LMX1B: variants seen among roughly 807,000 people sequenced by gnomAD.
The protein encoded by LMX1B is LIM homeobox transcription factor 1-beta.
In LMX1B, 12 loss-of-function variants were observed where a neutral mutation model predicts 51.4. That is an observed-to-expected ratio of 0.23 (90% CI 0.15 to 0.38). LMX1B has a LOEUF of 0.38. LMX1B is among the 10% of genes least tolerant of loss of function. LMX1B has a pLI of 1.00. For synonymous variants in LMX1B, 237 were observed against 235.4 expected (o/e 1.01, Z -0.06); for missense variants, 445 against 571.1 (o/e 0.78, Z 2.25).
chr9:126,638,233 C>T (rs1054040007), intron 2 of LMX1B, among the ~76,000 whole-genome samples: 25 of 152,164 alleles, frequency 1.6e-4, no homozygotes, highest in African/African-American at 6.0e-4. Flanking sequence ...GGTGGGGGTG[C>T]CCTGCTGCTG....
chr9:126,693,861 G>T, intron 6 of LMX1B, 49 bp downstream of exon 6: 1 of 898,806 alleles, frequency 1.1e-6, no homozygotes, highest in Non-Finnish European at 1.8e-6. Context: ...CTGGGGCCGG[G>T]GCCAGGGGTG....
At chr9:126,693,675 C>T (rs2030225148) in intron 5 of LMX1B, 71 bp from the exon 6 acceptor site, 2 of 1,598,824 alleles carry the variant, frequency 1.3e-6, no homozygotes, top group Non-Finnish European at 1.7e-6. Flanking sequence ...AGACTACGGT[C>T]CAGGGGGCGT....
rs972122753 is a variant in LMX1B, at chr9:126,618,991, G to A, written c.326+3422G>A. On this transcript the variant is annotated intron_variant, in intron 2 of 7. Transcript: ENST00000373474. This position sits in a 1 kb window ranked among gnomAD's most constrained non-coding sequence, Gnocchi z 4.5. ...GGGCCGCGGCGTCCTTCCGCCCGCAGGGCCTGCCCGGGCGGCCGAGCCTCT... is the reference window on the plus strand; with the variant it reads ...GGGCCGCGGCGTCCTTCCGCCCGCAAGGCCTGCCCGGGCGGCCGAGCCTCT... Among the ~76,000 whole-genome samples, 3 of 152,044 alleles carry A rather than the reference G, an allele frequency of 2.0e-5. No homozygotes were observed. The highest frequency in any genetic ancestry group is 7.2e-5 in the African/African-American group (3 of 41,410).
chr9:126,660,784 C>T (rs1836229240), intron 2 of LMX1B, among the ~76,000 whole-genome samples: 3 of 152,200 alleles, frequency 2.0e-5, no homozygotes, highest in Non-Finnish European at 4.4e-5. Flanking sequence ...ATTCCCTGAG[C>T]CCGTAGTGTG....
At chr9:126,669,612 C>T (rs1255603048) in intron 2 of LMX1B, among the ~76,000 whole-genome samples, 1 of 152,136 alleles carries the variant, frequency 6.6e-6, no homozygotes, top group Non-Finnish European at 1.5e-5. Flanking sequence ...GGCTTTTGTG[C>T]TCCTCTGGGT....
At chr9:126,639,893 A>G (rs1018321396) in intron 2 of LMX1B, among the ~76,000 whole-genome samples, 2 of 152,250 alleles carry the variant, frequency 1.3e-5, no homozygotes, top group African/African-American at 4.8e-5. Flanking sequence ...GCTGCCACTA[A>G]ATGCAATTAT....
At chr9:126,648,986 G>A (rs150495948) in intron 2 of LMX1B, among the ~76,000 whole-genome samples, 6 of 152,120 alleles carry the variant, frequency 3.9e-5, no homozygotes, top group African/African-American at 1.4e-4. Context: ...CCTTACACCC[G>A]CCCATCCAGA....
chr9:126,659,171 C>T (rs1836179049), intron 2 of LMX1B, among the ~76,000 whole-genome samples: 1 of 152,216 alleles, frequency 6.6e-6, no homozygotes, highest in African/African-American at 2.4e-5. Flanking sequence ...CCTGAATGGG[C>T]CCCCTTCCCC....
rs1835331837 is a variant in LMX1B at position 126,617,841 on chromosome 9, C to A, written c.326+2272C>A. ...GCTGTGGACAGTTCATTCCTCCACC[C>A]TCATTCTATTTTTTCCAATAACGCC... On this transcript the variant is annotated intron_variant, in intron 2 of 7. Transcript: ENST00000373474. Among the ~76,000 whole-genome samples the A allele has an allele frequency of 3.6e-5, 5 of 140,756 alleles. 1 individual carries two copies. The South Asian group carries it at 1.1e-3, about 31-fold the overall frequency. 92.3% of individuals were successfully genotyped at this position (140,756 alleles called of 152,430 possible). A position where few individuals can be genotyped will look rare whatever the true frequency, so the allele number is the denominator to read the frequency against.
intron 2 of LMX1B, among the ~76,000 whole-genome samples, chr9:126,647,941 C>G (rs1835932526): frequency 6.6e-6 from 1 of 152,262 alleles, no homozygotes; most frequent in African/African-American, 2.4e-5. Context: ...CTCCATCCTC[C>G]TGTCCCCAGG....
rs143407067 is a variant in LMX1B at position 126,693,248 on chromosome 9, C to G, written c.666C>G (p.Pro222=). 2 of 1,611,634 alleles carry G rather than the reference C, an allele frequency of 1.2e-6. No individual in the cohort carries two copies. Among genetic ancestry groups the G allele is most frequent in the East Asian group, 4.5e-5 (2 of 44,768 alleles). ...AGGACCCGCGGAGGCCCAAGCGACC[C>G]CGGACCATCCTCACCACGCAGCAGC... The part of the protein sequence containing the change: ...DGKDPRRPKR[P]RTILTTQQRR... The change falls in exon 4 of 8, where the codon CCC becomes CCG. Residue 222 remains proline, a synonymous_variant. Coordinates refer to ENST00000373474, the MANE Select transcript of LMX1B (RefSeq NM_001174147.2).
chr9:126,622,600 C>G (rs1039663009), intron 2 of LMX1B, among the ~76,000 whole-genome samples: 2 of 152,222 alleles, frequency 1.3e-5, no homozygotes. Flanking sequence ...GCTGTTCCCC[C>G]TTCTCCCGCC....
chr9:126,659,336 G>A (rs1365075331), intron 2 of LMX1B, among the ~76,000 whole-genome samples: 7 of 152,224 alleles, frequency 4.6e-5, no homozygotes, highest in African/African-American at 1.7e-4. Context: ...CTGGGAAGGC[G>A]CCCTCCAGCA....
intron 2 of LMX1B, among the ~76,000 whole-genome samples, chr9:126,659,395 G>A (rs1307965348): frequency 5.3e-5 from 8 of 152,272 alleles, no homozygotes. Flanking sequence ...CCAGGAGGCT[G>A]TCCTGTGCTC....
chr9:126,666,076 C>T (rs553081935), intron 2 of LMX1B, among the ~76,000 whole-genome samples: 1 of 152,386 alleles, frequency 6.6e-6, no homozygotes, highest in Non-Finnish European at 1.5e-5. Context: ...CTCAGAACAA[C>T]CTACCAGGCA....
At chr9:126,669,680 G>A (rs1033203679) in intron 2 of LMX1B, among the ~76,000 whole-genome samples, 3 of 152,176 alleles carry the variant, frequency 2.0e-5, no homozygotes, top group Non-Finnish European at 2.9e-5. Flanking sequence ...GTATATGGCA[G>A]TATGTTTCTC....
At chr9:126,660,457 G>A (rs1324818087) in intron 2 of LMX1B, among the ~76,000 whole-genome samples, 2 of 152,156 alleles carry the variant, frequency 1.3e-5, no homozygotes, top group Non-Finnish European at 2.9e-5. Flanking sequence ...CAATGAATGT[G>A]GATGCTGCAG....
chr9:126,639,307 C>T (rs1181521372), intron 2 of LMX1B, among the ~76,000 whole-genome samples: 2 of 152,092 alleles, frequency 1.3e-5, no homozygotes, highest in East Asian at 3.9e-4. Flanking sequence ...GGCCGGTCCC[C>T]GAGGGCTCGG....
Position 126,693,204 on chromosome 9 carries a change from G to A in LMX1B, c.622G>A (p.Gly208Ser), listed in dbSNP as rs1209655133. 12 of 1,607,756 alleles carry A rather than the reference G, an allele frequency of 7.5e-6. No homozygotes were observed. The highest frequency in any genetic ancestry group is 9.3e-6 in the Non-Finnish European group (11 of 1,177,644). Residue 208 changes from glycine to serine, a missense_variant, in exon 4 of 8, where the codon GGC becomes AGC. Physicochemically the swap from Gly to Ser is moderately conservative, Grantham distance 56 (BLOSUM62 0). This residue lies in a region of LMX1B where 273 missense variants were observed against 343.3 expected (regional missense o/e 0.80). Transcript: ENST00000373474. ...PAKGQGSQSK[G>S]SGDDGKDPRR... ...CAAGGGGCAGGGCAGTCAGAGCAAG[G>A]GCAGCGGGGATGACGGGAAGGACCC...
Sources: allele counts gnomAD v4.1 joint callset (sites outside exome capture counted in the v4.1 genomes callset), GRCh38; gene constraint gnomAD v4.1.1; regional missense constraint gnomAD v4.1.1; non-coding constraint Gnocchi (gnomAD v3.1); transcripts MANE v1.5; gene names NCBI Gene and HGNC (gene_info 2026-07-23, HGNC 2026-07-21).